PPP1R21: variants seen among roughly 807,000 people sequenced by gnomAD.
PPP1R21 encodes KLRAQ motif containing 1.
PPP1R21 carries 85 observed loss-of-function variants against 112.8 expected under a neutral mutation model. That is an observed-to-expected ratio of 0.75 (90% CI 0.63 to 0.90). PPP1R21 has a LOEUF of 0.90. PPP1R21 is among the 40% of genes least tolerant of loss of function. The pLI is 0.00. For missense variants in PPP1R21, 1,199 were observed against 901.5 expected (o/e 1.33, Z -4.23); for synonymous variants, 381 against 322.3 (o/e 1.18, Z -1.95).
At position 48,450,962 on chromosome 2, in the gene PPP1R21, C is replaced by G. The variant is rs746516644; in HGVS notation, c.58-46C>G. On this transcript the variant is annotated intron_variant, in intron 1 of 21. Coordinates refer to ENST00000294952, the MANE Select transcript of PPP1R21 (RefSeq NM_001135629.3). ...ATTGATGTGATTTCCTTGATATAAC[C>G]AATTGCTTTATATTAGAAATTGATT... is the stretch of plus-strand genomic sequence containing the variant. The G allele has an allele frequency of 6.0e-6, 9 of 1,503,960 alleles. No homozygotes were observed. In the South Asian group the frequency reaches 1.0e-4, roughly 17 times the overall value. 93.2% of individuals were successfully genotyped at this position (1,503,960 alleles called of 1,614,324 possible).
At chr2:48,487,924 A>C (rs1359778176) in intron 14 of PPP1R21, among the ~76,000 whole-genome samples, 1 of 152,188 alleles carries the variant, frequency 6.6e-6, no homozygotes, top group Non-Finnish European at 1.5e-5. Flanking sequence ...TGTATTCAGA[A>C]CTATCTTAGC....
intron 7 of PPP1R21, among the ~76,000 whole-genome samples, chr2:48,462,656 A>G (rs1196570460): frequency 6.6e-6 from 1 of 152,184 alleles, no homozygotes; most frequent in Non-Finnish European, 1.5e-5. Context: ...GTAAGTTCTG[A>G]AAGGTATGGT....
At chr2:48,490,470 G>C (rs559542560) in intron 14 of PPP1R21, among the ~76,000 whole-genome samples, 1 of 152,228 alleles carries the variant, frequency 6.6e-6, no homozygotes, top group South Asian at 2.1e-4. Context: ...CTTTGTGGCT[G>C]CTTACATAGA....
intron 14 of PPP1R21, among the ~76,000 whole-genome samples, chr2:48,489,153 T>C (rs949735795): frequency 1.8e-4 from 27 of 152,324 alleles, no homozygotes; most frequent in African/African-American, 6.3e-4. Flanking sequence ...CTTTTTAAAA[T>C]TTATCAAAAT....
intron 17 of PPP1R21, among the ~76,000 whole-genome samples, chr2:48,504,065 A>G (rs986349348): frequency 1.3e-5 from 2 of 152,156 alleles, no homozygotes; most frequent in African/African-American, 4.8e-5. Flanking sequence ...GAGGATGAGC[A>G]GGTGGAATAG....
At chr2:48,486,594 T>C in intron 13 of PPP1R21, 37 bp from the exon 14 acceptor site, 1 of 1,484,076 alleles carries the variant, frequency 6.7e-7, no homozygotes, top group Non-Finnish European at 9.4e-7. Flanking sequence ...GACTTATATA[T>C]AGATAATAAT....
intron 12 of PPP1R21, among the ~76,000 whole-genome samples, chr2:48,477,128 T>TC (rs1221971688): frequency 6.8e-6 from 1 of 147,872 alleles, no homozygotes; most frequent in Non-Finnish European, 1.5e-5. Flanking sequence ...TTTTTTTTTT[T>TC]TTTTTTTTTT....
rs575867496 is a variant in PPP1R21, at chr2:48,475,576, G to A, written c.1225+757G>A. ...AAAAAGTATTTTCAGGGCCGGGCGC[G>A]GTGGCTCATGCCTGTAATCCCAGCA... On this transcript the variant is annotated intron_variant, in intron 12 of 21. Transcript: ENST00000294952. Among the ~76,000 whole-genome samples, 76 of 152,180 alleles carry A rather than the reference G, an allele frequency of 5.0e-4. 1 individual carries two copies. Among genetic ancestry groups the A allele is most frequent in the African/African-American group, 8.9e-4 (37 of 41,508 alleles).
chr2:48,457,166 G>A (rs944837194), intron 3 of PPP1R21, among the ~76,000 whole-genome samples: 4 of 152,276 alleles, frequency 2.6e-5, no homozygotes, highest in African/African-American at 9.6e-5. Flanking sequence ...GGACTGTTGA[G>A]CAGAGGTTTG....
At chr2:48,454,186 G>A (rs938745722) in intron 2 of PPP1R21, among the ~76,000 whole-genome samples, 13 of 152,122 alleles carry the variant, frequency 8.5e-5, no homozygotes, top group Admixed American at 3.3e-4. Context: ...GCTTGAACTC[G>A]GGTGGCGGAG....
chr2:48,509,826 A>G (rs1057018072), intron 19 of PPP1R21, among the ~76,000 whole-genome samples, 189 bp from the exon 20 acceptor site: 2 of 152,236 alleles, frequency 1.3e-5, no homozygotes, highest in South Asian at 2.1e-4. Flanking sequence ...TGAAATGACA[A>G]AGCTGGGGGC....
intron 7 of PPP1R21, among the ~76,000 whole-genome samples, chr2:48,462,029 G>A (rs1401136925): frequency 6.6e-6 from 1 of 152,136 alleles, no homozygotes; most frequent in African/African-American, 2.4e-5. Flanking sequence ...AATAACACCT[G>A]CTTCTAGCTT....
chr2:48,470,041 C>G (rs1357323510), intron 9 of PPP1R21, among the ~76,000 whole-genome samples: 1 of 152,108 alleles, frequency 6.6e-6, no homozygotes, highest in African/African-American at 2.4e-5. Context: ...TGAGATCTTA[C>G]ATTTCTATAC....
intron 16 of PPP1R21, among the ~76,000 whole-genome samples, chr2:48,498,202 T>C (rs1273321201): frequency 6.6e-6 from 1 of 152,120 alleles, no homozygotes; most frequent in Non-Finnish European, 1.5e-5. Flanking sequence ...TGGGTCTCTG[T>C]TGGATAAATG....
chr2:48,489,396 G>T (rs1423932782), intron 14 of PPP1R21, among the ~76,000 whole-genome samples: 1 of 151,626 alleles, frequency 6.6e-6, no homozygotes, highest in Non-Finnish European at 1.5e-5. Flanking sequence ...AACTACTTGG[G>T]AGGCTCAGGT....
At chr2:48,487,192 C>T (rs1271482788) in intron 14 of PPP1R21, among the ~76,000 whole-genome samples, 2 of 152,048 alleles carry the variant, frequency 1.3e-5, no homozygotes, top group Non-Finnish European at 2.9e-5. Context: ...AAGGGTCTGC[C>T]ATATAGAACA....
rs1670803100 is a variant in PPP1R21 at position 48,514,809 on chromosome 2, C to T, written c.*65C>T. On this transcript the variant is annotated 3_prime_UTR_variant, in exon 22 of 22. Transcript: ENST00000294952. ...GCTCCTGCTGCACAGAGCCGCAGGG[C>T]TGAGACCACGTCCATGCTGGCTGCC... The T allele has an allele frequency of 6.4e-7, 1 of 1,560,850 alleles. No homozygotes were observed. Among genetic ancestry groups the T allele is most frequent in the African/African-American group, 1.4e-5 (1 of 73,352 alleles).
At chr2:48,465,082 G>T in intron 8 of PPP1R21, 93 bp downstream of exon 8, 1 of 952,124 alleles carries the variant, frequency 1.1e-6, no homozygotes. Flanking sequence ...TCTGTTTAGT[G>T]CATTCAGTCA....
At chr2:48,446,858 C>T (rs944727808) in intron 1 of PPP1R21, among the ~76,000 whole-genome samples, 1 of 152,174 alleles carries the variant, frequency 6.6e-6, no homozygotes, top group Non-Finnish European at 1.5e-5. Context: ...TCAAGCAATT[C>T]TCCTGCCTCA....
Sources: allele counts gnomAD v4.1 joint callset (sites outside exome capture counted in the v4.1 genomes callset), GRCh38; gene constraint gnomAD v4.1.1; transcripts MANE v1.5; gene names NCBI Gene and HGNC (gene_info 2026-07-23, HGNC 2026-07-21).